POLR1B: variants seen among roughly 807,000 people sequenced by gnomAD.
The protein encoded by POLR1B is DNA-directed RNA polymerase I subunit RPA2.
A neutral mutation model predicts 105.8 loss-of-function variants in POLR1B; 30 were observed. The observed-to-expected ratio is 0.28, with a 90% CI of 0.21 to 0.38. POLR1B has a LOEUF of 0.38. POLR1B is among the 10% of genes least tolerant of loss of function. The probability of loss-of-function intolerance (pLI) is 1.00; values close to 1 mark genes in which losing one functional copy is unlikely to be tolerated. For missense variants in POLR1B, 976 were observed against 1,435.8 expected, an observed-to-expected ratio of 0.68 and a Z score of 5.17; for synonymous variants, 485 against 505.1, an observed-to-expected ratio of 0.96 and a Z score of 0.53.
chr2:112,560,262 A>G (rs951908534), intron 9 of POLR1B, among the ~76,000 whole-genome samples: 8 of 152,132 alleles, frequency 5.3e-5, no homozygotes, highest in African/African-American at 1.7e-4. Flanking sequence ...AAATAAATGA[A>G]TAAGAATGAT....
At chr2:112,545,751 C>T in intron 1 of POLR1B, 1 of 282,662 alleles carries the variant, frequency 3.5e-6, no homozygotes, top group East Asian at 1.6e-4. Flanking sequence ...GTGATCCTCC[C>T]ACGTCAACCT....
In POLR1B at chr2:112,578,426, T is replaced by C. The variant is rs1684959061; in HGVS notation, c.*2697T>C. Among the ~76,000 whole-genome samples, 1 of 152,238 alleles carries C rather than the reference T, an allele frequency of 6.6e-6. No individual in the cohort carries two copies. Among genetic ancestry groups the C allele is most frequent in the African/African-American group, 2.4e-5 (1 of 41,462 alleles). On this transcript the variant is annotated 3_prime_UTR_variant, in exon 15 of 15. Transcript: ENST00000263331. The stretch of plus-strand genomic sequence containing the variant: ...CTTACGTAAATAGGATCACGAAGTA[T>C]AACCTTTGAGAATGGCCTTTTCACT...
At chr2:112,561,751 G>A (rs1683999447) in intron 9 of POLR1B, among the ~76,000 whole-genome samples, 2 of 152,172 alleles carry the variant, frequency 1.3e-5, no homozygotes, top group Admixed American at 1.3e-4. Flanking sequence ...TTTTCTGTTA[G>A]GCACATCACA....
chr2:112,559,640 G>A, intron 9 of POLR1B, 66 bp downstream of exon 9: 1 of 1,553,798 alleles, frequency 6.4e-7, no homozygotes. Context: ...CTTTTTGTTT[G>A]TTTGTTTTGA....
In POLR1B at chr2:112,575,500, A is replaced by C; in HGVS notation, c.3179A>C (p.Asn1060Thr). 6.2e-7 allele frequency: 1 copy of C among 1,614,156 alleles called. No homozygotes were observed. The highest frequency in any genetic ancestry group is 8.5e-7 in the Non-Finnish European group (1 of 1,180,028). The change falls in exon 15 of 15, where the codon AAC becomes ACC. Residue 1060 changes from asparagine to threonine, a missense_variant. Transcript: ENST00000263331. This position sits in a 1 kb window ranked among gnomAD's most constrained non-coding sequence, Gnocchi z 5.3. Reference protein sequence around the residue: ...TSFLLHDRLFNCSDRSVAHVC... With the variant: ...TSFLLHDRLFTCSDRSVAHVC... ...TTTCTCCTTCATGACCGCCTCTTCA[A>C]CTGCTCAGATCGGTCGGTAGCCCAT...
intron 12 of POLR1B, among the ~76,000 whole-genome samples, 200 bp from the exon 13 acceptor site, chr2:112,572,362 C>G (rs944070056): frequency 2.0e-4 from 31 of 152,266 alleles, no homozygotes; most frequent in Admixed American, 3.3e-4. Flanking sequence ...GCATGGTTTT[C>G]CTGGTCTGGT....
At chr2:112,551,745 A>T (rs1384397228) in intron 5 of POLR1B, 30 bp from the exon 6 acceptor site, 1 of 1,529,686 alleles carries the variant, frequency 6.5e-7, no homozygotes, top group Non-Finnish European at 9.0e-7. Context: ...GTTATTAGTG[A>T]GCAATTAAAC....
chr2:112,576,928 G>A lies in POLR1B; in HGVS notation c.*1199G>A, dbSNP rs763832351. 6.6e-6 allele frequency: 1 copy of A among 152,148 alleles called. No homozygotes were observed. Among genetic ancestry groups the A allele is most frequent in the Non-Finnish European group, 1.5e-5 (1 of 68,032 alleles). 9.4% of individuals were successfully genotyped at this position (152,148 alleles called of 1,614,324 possible). A position where few individuals can be genotyped will look rare whatever the true frequency, so the allele number is the denominator to read the frequency against. The stretch of plus-strand genomic sequence containing the variant: ...CTTTTTTCTGCTTTTATATTGATCT[G>A]CTTTCATAGCAGTGTGTAGAGTGCC... On this transcript the variant is annotated 3_prime_UTR_variant, in exon 15 of 15. Transcript: ENST00000263331.
intron 10 of POLR1B, among the ~76,000 whole-genome samples, chr2:112,567,011 T>C (rs1684317115): frequency 6.6e-6 from 1 of 152,156 alleles, no homozygotes; most frequent in South Asian, 2.1e-4. Flanking sequence ...ATCTTTTTTA[T>C]AGAGAATTTA....
In POLR1B at chr2:112,576,694, CCTG is replaced by C. The variant is rs1684876310; in HGVS notation, c.*968_*970del. The C allele has an allele frequency of 6.6e-6, 1 of 152,010 alleles. No homozygotes were observed. Among genetic ancestry groups the C allele is most frequent in the Non-Finnish European group, 1.5e-5 (1 of 68,032 alleles). 9.4% of individuals were successfully genotyped at this position (152,010 alleles called of 1,614,324 possible). A position where few individuals can be genotyped will look rare whatever the true frequency, so the allele number is the denominator to read the frequency against. ...GGCATGGTGCTGTGCATCTATAGTC[CCTG>C]CTATTTGAGAGGCTGAGGTGGGAGG... On this transcript the variant is annotated 3_prime_UTR_variant, in exon 15 of 15. Transcript: ENST00000263331.
At chr2:112,550,774 T>C in intron 4 of POLR1B, 92 bp from the exon 5 acceptor site, 1 of 1,335,970 alleles carries the variant, frequency 7.5e-7, no homozygotes, top group Non-Finnish European at 1.0e-6. Flanking sequence ...GCTTTAATTG[T>C]GTCTAAGAGG....
At chr2:112,566,670 C>T (rs971815378) in intron 10 of POLR1B, among the ~76,000 whole-genome samples, 1 of 151,914 alleles carries the variant, frequency 6.6e-6, no homozygotes, top group African/African-American at 2.4e-5. Context: ...GTGGAGTCAT[C>T]ACCATCTTCA....
chr2:112,549,494 T>A (rs1260137952), intron 4 of POLR1B, 95 bp downstream of exon 4: 22 of 1,022,358 alleles, frequency 2.2e-5, no homozygotes, highest in Non-Finnish European at 2.8e-5. Context: ...TTGATATTTT[T>A]GTTTCTTTTT....
intron 3 of POLR1B, chr2:112,548,110 A>G (rs888066094): frequency 2.0e-5 from 3 of 152,500 alleles, no homozygotes; most frequent in African/African-American, 7.2e-5. Flanking sequence ...CGCATATTAA[A>G]TGACTTATAT....
In POLR1B at chr2:112,575,456, T is replaced by C; in HGVS notation, c.3135T>C (p.Leu1045=). The C allele has an allele frequency of 6.2e-7, 1 of 1,614,112 alleles. No homozygotes were observed. Among genetic ancestry groups the C allele is most frequent in the Non-Finnish European group, 8.5e-7 (1 of 1,180,018 alleles). The part of the protein sequence containing the change: ...IRFGEMERDA[L]LAHGTSFLLH... ...TTGGGGAGATGGAACGGGATGCGCT[T>C]TTAGCTCATGGTACATCTTTTCTCC... The change falls in exon 15 of 15, where the codon CTT becomes CTC. Residue 1045 remains leucine (L), a synonymous_variant. Transcript: ENST00000263331. This position sits in a 1 kb window ranked among gnomAD's most constrained non-coding sequence, Gnocchi z 5.3.
chr2:112,560,030 G>A (rs1683891024), intron 9 of POLR1B, among the ~76,000 whole-genome samples: 2 of 152,052 alleles, frequency 1.3e-5, no homozygotes, highest in African/African-American at 4.8e-5. Context: ...CAGGAGTTGG[G>A]CTGCTTTCTT....
At chr2:112,552,955 T>C (rs1190838931) in intron 7 of POLR1B, 139 bp downstream of exon 7, 2 of 788,254 alleles carry the variant, frequency 2.5e-6, no homozygotes, top group South Asian at 3.5e-5. Flanking sequence ...TTTGTTCATT[T>C]AGCAGTAAGG....
chr2:112,559,263 C>G (rs768084581), intron 8 of POLR1B, 30 bp from the exon 9 acceptor site: 1 of 1,606,596 alleles, frequency 6.2e-7, no homozygotes, highest in Non-Finnish European at 8.5e-7. Context: ...AAAGATTGGC[C>G]CATTTTTGAA....
chr2:112,572,431 G>C (rs1215144125), intron 12 of POLR1B, 131 bp from the exon 13 acceptor site: 1 of 622,246 alleles, frequency 1.6e-6, no homozygotes, highest in African/African-American at 1.9e-5. Context: ...TCTAAAGTAA[G>C]CATAACTACC....
Sources: allele counts gnomAD v4.1 joint callset (sites outside exome capture counted in the v4.1 genomes callset), GRCh38; gene constraint gnomAD v4.1.1; non-coding constraint Gnocchi (gnomAD v3.1); transcripts MANE v1.5; gene names NCBI Gene and HGNC (gene_info 2026-07-23, HGNC 2026-07-21).